Variants in HOMER1 observed in about 807,000 individuals in gnomAD.
The protein encoded by HOMER1 is homer scaffold protein 1, also known as homer protein homolog 1.
A neutral mutation model predicts 48.9 loss-of-function variants in HOMER1; 3 were observed. That is an observed-to-expected ratio of 0.06 (90% CI 0.03 to 0.16). HOMER1 has a LOEUF of 0.16. Ranked by LOEUF, HOMER1 falls within the 10% of genes least tolerant of loss-of-function variation. The pLI is 1.00. For missense variants in HOMER1, 247 were observed against 411.4 expected, an observed-to-expected ratio of 0.60 and a Z score of 3.46; for synonymous variants, 134 against 146.4, an observed-to-expected ratio of 0.92 and a Z score of 0.61.
rs776831855 is a variant in HOMER1, at chr5:79,447,108, C to T, written c.332G>A (p.Arg111Gln). The change falls in exon 4 of 9, where the codon CGA becomes CAA. Residue 111 changes from arginine (R) to glutamine (Q), a missense_variant. Coordinates refer to ENST00000334082, the MANE Select transcript of HOMER1 (RefSeq NM_004272.5). ...EKFQEFKEAA[R>Q]LAKEKSQEKM... is the part of the protein sequence containing the mutation. ...CTCTTGTGATTTTTCCTTTGCTAGTCGAGCAGCTTCTTTAAATTCCTGAAA... is the reference window on the plus strand; with the variant it reads ...CTCTTGTGATTTTTCCTTTGCTAGTTGAGCAGCTTCTTTAAATTCCTGAAA... 10 of 1,613,118 alleles carry T rather than the reference C, an allele frequency of 6.2e-6. No individual in the cohort carries two copies. Among genetic ancestry groups the T allele is most frequent in the African/African-American group, 1.3e-5 (1 of 75,002 alleles).
chr5:79,376,103 T>C lies in HOMER1; in HGVS notation c.971A>G (p.Asn324Ser), dbSNP rs368671629. The change falls in exon 9 of 9, where the codon AAT becomes AGT. Residue 324 changes from asparagine (N) to serine (S), a missense_variant. By Grantham distance (46) the Asn-to-Ser change is conservative. This residue lies in a region of HOMER1 where 113 missense variants were observed against 152.5 expected (regional missense o/e 0.74). Transcript: ENST00000334082. ...AATTTCTAAGAGTGTCTTCAGGTTA[T>C]TGCGAAAAGCTTCTTGTTCATTCTG... ...KSQNEQEAFR[N>S]NLKTLLEILD... The C allele has an allele frequency of 3.1e-6, 5 of 1,613,672 alleles. No homozygotes were observed. The highest frequency in any genetic ancestry group is 1.3e-5 in the African/African-American group (1 of 74,924).
chr5:79,462,901 G>C (rs146846687), intron 1 of HOMER1, among the ~76,000 whole-genome samples: 1 of 152,056 alleles, frequency 6.6e-6, no homozygotes, highest in African/African-American at 2.4e-5. Context: ...TACATTTCCT[G>C]GTATACCTTT....
intron 1 of HOMER1, among the ~76,000 whole-genome samples, chr5:79,481,185 A>G (rs1433169461): frequency 6.6e-6 from 1 of 152,184 alleles, no homozygotes; most frequent in Admixed American, 6.5e-5. Context: ...AGCACCAGTT[A>G]TCTCTCCTCA....
At position 79,373,890 on chromosome 5, in the gene HOMER1, C is replaced by T. The variant is rs948049248; in HGVS notation, c.*2119G>A. 1 of 151,940 alleles carries T rather than the reference C, an allele frequency of 6.6e-6. No individual in the cohort carries two copies. Among genetic ancestry groups the T allele is most frequent in the Non-Finnish European group, 1.5e-5 (1 of 67,864 alleles). 9.4% of individuals were successfully genotyped at this position (151,940 alleles called of 1,614,324 possible). A position where few individuals can be genotyped will look rare whatever the true frequency, so the allele number is the denominator to read the frequency against. On this transcript the variant is annotated 3_prime_UTR_variant, in exon 9 of 9. Transcript: ENST00000334082. The stretch of plus-strand genomic sequence containing the variant: ...GGGTATATGTATATATTGAATCACA[C>T]ATATGTCCCACATTATCAATACAAT...
At chr5:79,416,971 T>TGA (rs2112241388) in intron 5 of HOMER1, among the ~76,000 whole-genome samples, 1 of 152,308 alleles carries the variant, frequency 6.6e-6, no homozygotes, top group South Asian at 2.1e-4. Flanking sequence ...TTTGGAAGGT[T>TGA]GAGAGCCAGA....
intron 1 of HOMER1, among the ~76,000 whole-genome samples, chr5:79,502,397 A>G (rs539201967): frequency 6.6e-6 from 1 of 152,218 alleles, no homozygotes; most frequent in South Asian, 2.1e-4. Context: ...TCTCTTTTTA[A>G]TACCCTCACC....
intron 8 of HOMER1, among the ~76,000 whole-genome samples, chr5:79,392,954 G>GGAGAGAGAGAGAGAGAGAGA (rs3082001): frequency 1.4e-5 from 2 of 140,960 alleles, no homozygotes; most frequent in South Asian, 2.4e-4. Context: ...GAAGGGAAAG[G>GGAGAGAGAGAGAGAGAGAGA]GAGAGAGAGA....
chr5:79,439,143 C>A lies in HOMER1; in HGVS notation c.394G>T (p.Ala132Ser), dbSNP rs757029273. ...AAAGGAGACTGAAGATCCCCGCCTG[C>A]GGATTCCTTTAAAAAAAGGGGTGGG... The part of the protein sequence containing the change: ...ELTSTPSQES[A>S]GGDLQSPLTP... Residue 132 changes from alanine to serine, a missense_variant, in exon 5 of 9, where the codon GCA becomes TCA. Coordinates refer to ENST00000334082, the MANE Select transcript of HOMER1 (RefSeq NM_004272.5). 4 of 1,613,436 alleles carry A rather than the reference C, an allele frequency of 2.5e-6. No individual in the cohort carries two copies. Among genetic ancestry groups the A allele is most frequent in the Admixed American group, 3.3e-5 (2 of 59,954 alleles).
intron 5 of HOMER1, among the ~76,000 whole-genome samples, chr5:79,431,789 T>TAC (rs1750433351): frequency 6.6e-6 from 1 of 152,214 alleles, no homozygotes; most frequent in South Asian, 2.1e-4. Context: ...CAGTCATATC[T>TAC]ACATTTGACA....
At chr5:79,441,385 T>C (rs1052107665) in intron 4 of HOMER1, among the ~76,000 whole-genome samples, 2 of 151,602 alleles carry the variant, frequency 1.3e-5, no homozygotes, top group Admixed American at 6.6e-5. Context: ...TAAGAGGGAG[T>C]AGGGTTTGAG....
At chr5:79,432,647 T>TA (rs1362419116) in intron 5 of HOMER1, among the ~76,000 whole-genome samples, 3 of 151,982 alleles carry the variant, frequency 2.0e-5, no homozygotes, top group East Asian at 1.9e-4. Context: ...GGTCAGTTCT[T>TA]AAAAAAAATC....
At chr5:79,460,165 A>G (rs1434383789) in intron 1 of HOMER1, among the ~76,000 whole-genome samples, 3 of 152,086 alleles carry the variant, frequency 2.0e-5, no homozygotes, top group South Asian at 4.1e-4. Context: ...CCAGCTTTGC[A>G]TTTTAGAAAG....
chr5:79,477,854 T>C (rs1439505409), intron 1 of HOMER1, among the ~76,000 whole-genome samples: 1 of 151,990 alleles, frequency 6.6e-6, no homozygotes, highest in Non-Finnish European at 1.5e-5. Flanking sequence ...TCACAAGATT[T>C]TTTTTTTTTT....
chr5:79,397,373 G>A (rs1035112372), intron 7 of HOMER1, among the ~76,000 whole-genome samples, 154 bp downstream of exon 7: 5 of 152,048 alleles, frequency 3.3e-5, no homozygotes, highest in East Asian at 1.9e-4. Context: ...GAGAAAATAT[G>A]AGCAAGCTTA....
intron 3 of HOMER1, among the ~76,000 whole-genome samples, chr5:79,447,780 C>A (rs370267059): frequency 2.0e-5 from 3 of 152,048 alleles, no homozygotes; most frequent in African/African-American, 4.8e-5. Flanking sequence ...AATGCTAATT[C>A]TTAGGAACTC....
Position 79,379,313 on chromosome 5 carries a change from A to AAT in HOMER1, c.877-3118_877-3117dup, listed in dbSNP as rs1286177624. On this transcript the variant is annotated intron_variant, in intron 8 of 8. Coordinates refer to ENST00000334082, the MANE Select transcript of HOMER1 (RefSeq NM_004272.5). ...ATATATTAAAATTGTCTGTAATATA[A>AAT]ATATATAAATATTTATATATATTTA... is the stretch of plus-strand genomic sequence containing the variant. Among the ~76,000 whole-genome samples, 11 of 103,378 alleles carry AAT rather than the reference A, an allele frequency of 1.1e-4. No individual in the cohort carries two copies. The Admixed American group carries it at 1.4e-3, about 13-fold the overall frequency. The allele number at this position is 103,378 out of a possible 152,430, so 67.8% of individuals were successfully genotyped here.
chr5:79,383,996 C>A (rs904983481), intron 8 of HOMER1, among the ~76,000 whole-genome samples: 2 of 150,156 alleles, frequency 1.3e-5, no homozygotes, highest in Non-Finnish European at 3.0e-5. Context: ...TGTGACACAG[C>A]AAAAGTAAAA....
chr5:79,504,436 G>A (rs1376555268), intron 1 of HOMER1, among the ~76,000 whole-genome samples: 3 of 149,538 alleles, frequency 2.0e-5, no homozygotes, highest in Non-Finnish European at 4.4e-5. Flanking sequence ...GGCACAGAAA[G>A]GTAAAGGGAT....
intron 1 of HOMER1, among the ~76,000 whole-genome samples, chr5:79,498,082 G>C (rs1752476817): frequency 6.6e-6 from 1 of 152,138 alleles, no homozygotes; most frequent in African/African-American, 2.4e-5. Flanking sequence ...CTGATGCTCT[G>C]GTCTTCCTTC....
Sources: gnomAD v4.1 joint callset for allele counts (sites outside exome capture counted in the v4.1 genomes callset) on GRCh38, gnomAD v4.1.1 for gene constraint, gnomAD v4.1.1 regional missense constraint, MANE v1.5 for transcripts, NCBI Gene and HGNC (gene_info 2026-07-23, HGNC 2026-07-21) for gene names.